Variants in NBPF26 observed in about 807,000 individuals in gnomAD.
NBPF26 encodes NBPF family member NBPF26.
In NBPF26, 79 loss-of-function variants were observed where a neutral mutation model predicts 119.6. The observed-to-expected ratio is 0.66, with a 90% CI of 0.55 to 0.80. The LOEUF is 0.80. NBPF26 is among the 30% of genes least tolerant of loss of function. The probability of loss-of-function intolerance (pLI) is 0.00; values close to 1 mark genes in which losing one functional copy is unlikely to be tolerated. For missense variants in NBPF26, 800 were observed against 1,198.2 expected (o/e 0.67, Z 4.91); for synonymous variants, 299 against 457.7 (o/e 0.65, Z 4.43).
In NBPF26 at chr1:120,840,387, G is replaced by A. The variant is rs1553273436; in HGVS notation, c.4141G>A (p.Val1381Ile). 2.5e-4 allele frequency: 359 copies of A among 1,462,994 alleles called. 77 individuals are homozygous for A. The highest frequency in any genetic ancestry group is 9.7e-4 in the African/African-American group (45 of 46,422). The allele number at this position is 1,462,994 out of a possible 1,614,324, so 90.6% of individuals were successfully genotyped here. ...GCTGATGGAAGTGGAAGAGCCTGAA[G>A]TCTTGCAGGACTCACTGGATATATG... Residue 1381 changes from valine to isoleucine, a missense_variant, in exon 30 of 30, where the codon GTC (valine) becomes ATC (isoleucine). By Grantham distance (29) the Val-to-Ile change is conservative (BLOSUM62 3). Transcript: ENST00000620612.
rs1479114574 is a variant in NBPF26, at chr1:120,808,424, T to C, written c.1065-121T>C. The C allele has an allele frequency of 1.2e-4, 106 of 873,334 alleles. 14 individuals carry two copies. Among genetic ancestry groups the C allele is most frequent in the Non-Finnish European group, 1.7e-4 (97 of 561,864 alleles). The allele number at this position is 873,334 out of a possible 1,614,324, so 54.1% of individuals were successfully genotyped here. A position where few individuals can be genotyped will look rare whatever the true frequency, so the allele number is the denominator to read the frequency against. ...TTGGCCACAGACATTCCTTTCAACG[T>C]GTGCTGACCTTCTGTTTCAAGGTCT... On this transcript the variant is annotated intron_variant, in intron 6 of 29. Transcript: ENST00000620612.
exon 14 of NBPF26, chr1:120,816,821 A>C (rs1652017639): frequency 4.8e-6 from 7 of 1,447,144 alleles, no homozygotes; most frequent in Non-Finnish European, 6.5e-6. Flanking sequence ...TGTACACATT[A>C]TTCCAGGTAG....
chr1:120,724,204 G>A (rs1650787936), exon 1 of NBPF26: 1 of 1,405,908 alleles, frequency 7.1e-7, no homozygotes, highest in East Asian at 2.4e-5. Context: ...CCGCTCTGCT[G>A]TGGGCGCTGC....
chr1:120,777,678 G>T (rs1651314127), intron 2 of NBPF26, among the ~76,000 whole-genome samples: 1 of 70,566 alleles, frequency 1.4e-5, no homozygotes, highest in Non-Finnish European at 2.4e-5. Context: ...TTGAGAGAAG[G>T]GGGGGTTGAG....
rs1302108700 is a variant in NBPF26 at position 120,814,879 on chromosome 1, G to A, written c.1928G>A (p.Arg643Lys). The A allele has an allele frequency of 1.8e-3, 2,270 of 1,252,918 alleles. 640 individuals carry two copies. In the African/African-American group the frequency reaches 0.048, roughly 26 times the overall value. 77.6% of individuals were successfully genotyped at this position (1,252,918 alleles called of 1,614,324 possible). ...CAGGAACGAGAGCTGACCCAGTTAAGGGAGAAGTTGCGGGAAGGGAGAGAT... is the reference window on the plus strand; with the variant it reads ...CAGGAACGAGAGCTGACCCAGTTAAAGGAGAAGTTGCGGGAAGGGAGAGAT... The change falls in exon 12 of 30, where the codon AGG becomes AAG. Residue 643 changes from arginine (R) to lysine (K), a missense_variant. Arg to Lys is a conservative substitution (Grantham distance 26). Transcript: ENST00000620612.
intron 1 of NBPF26, among the ~76,000 whole-genome samples, chr1:120,737,709 A>G (rs1650920640): frequency 8.1e-6 from 1 of 124,218 alleles, no homozygotes; most frequent in African/African-American, 3.9e-5. Context: ...AGTTGAGACA[A>G]CTCGGCAGGT....
chr1:120,813,366 T>G (rs1386496863), intron 10 of NBPF26, among the ~76,000 whole-genome samples: 1 of 127,858 alleles, frequency 7.8e-6, no homozygotes, highest in Non-Finnish European at 1.6e-5. Flanking sequence ...TGGTGTTATG[T>G]GTCACACTTT....
Position 120,840,290 on chromosome 1 carries a change from T to C in NBPF26, c.4104-60T>C, listed in dbSNP as rs1275482521. ...TCCTTATGTTACTTCTGAAATCTAG[T>C]GGGGCTCTGTGGTGTCCGATTTTCC... On this transcript the variant is annotated intron_variant, in intron 29 of 29. Transcript: ENST00000620612. 2 of 1,444,836 alleles carry C rather than the reference T, an allele frequency of 1.4e-6. 1 individual carries two copies. The highest frequency in any genetic ancestry group is 1.8e-6 in the Non-Finnish European group (2 of 1,082,270). 89.5% of individuals were successfully genotyped at this position (1,444,836 alleles called of 1,614,324 possible).
intron 2 of NBPF26, among the ~76,000 whole-genome samples, chr1:120,781,973 A>G (rs1651367864): frequency 9.7e-6 from 1 of 103,386 alleles, no homozygotes; most frequent in Non-Finnish European, 1.8e-5. Flanking sequence ...TGCTTAGCAA[A>G]TATACAATAC....
chr1:120,750,496 G>A (rs1426709821), intron 1 of NBPF26, among the ~76,000 whole-genome samples: 1 of 107,130 alleles, frequency 9.3e-6, no homozygotes, highest in East Asian at 2.2e-4. Context: ...TATATTCTGT[G>A]GAGTACTATC....
chr1:120,730,490 A>G lies in NBPF26; in HGVS notation c.73+6240A>G, dbSNP rs1650863722. Among the ~76,000 whole-genome samples, 2 of 78,270 alleles carry G rather than the reference A, an allele frequency of 2.6e-5. 1 individual carries two copies. 51.3% of individuals were successfully genotyped at this position (78,270 alleles called of 152,430 possible). A position where few individuals can be genotyped will look rare whatever the true frequency, so the allele number is the denominator to read the frequency against. ...AATACTGTCCTTGATAGGAAGAAGG[A>G]AGTGGCTTCAGATCTGAAAGGATAT... On this transcript the variant is annotated intron_variant, in intron 1 of 29. Coordinates refer to ENST00000620612, the Ensembl canonical transcript of NBPF26.
rs1169183776 is a variant in NBPF26 at position 120,782,660 on chromosome 1, CA to C, written c.156-2313del. Among the ~76,000 whole-genome samples, 2 of 88,018 alleles carry C rather than the reference CA, an allele frequency of 2.3e-5. 1 individual carries two copies. The allele number at this position is 88,018 out of a possible 152,430, so 57.7% of individuals were successfully genotyped here. On this transcript the variant is annotated intron_variant, in intron 2 of 29. Transcript: ENST00000620612. Reference sequence around the variant, plus strand: ...TCAGAATGTCATTCCTTTTCATGGCCACATATTTCATTTATGGATATACCAC... The same window carrying C: ...TCAGAATGTCATTCCTTTTCATGGCCCATATTTCATTTATGGATATACCAC...
chr1:120,727,714 T>TA (rs1489627062), intron 1 of NBPF26, among the ~76,000 whole-genome samples: 1 of 113,630 alleles, frequency 8.8e-6, no homozygotes, highest in Admixed American at 8.5e-5. Flanking sequence ...AGTCCATAGT[T>TA]ACATGCTTCC....
intron 15 of NBPF26, among the ~76,000 whole-genome samples, chr1:120,819,177 A>T (rs1429483385): frequency 8.0e-6 from 1 of 124,280 alleles, no homozygotes; most frequent in Non-Finnish European, 1.6e-5. Context: ...TAGGGTGCAT[A>T]TATATTTAGG....
chr1:120,776,292 T>G lies in NBPF26; in HGVS notation c.156-8682T>G, dbSNP rs1462353288. 1.9e-5 allele frequency among the ~76,000 whole-genome samples: 2 copies of G among 108,032 alleles called. 1 individual carries two copies. Among genetic ancestry groups the G allele is most frequent in the African/African-American group, 1.2e-4 (2 of 17,202 alleles). The allele number at this position is 108,032 out of a possible 152,430, so 70.9% of individuals were successfully genotyped here. On this transcript the variant is annotated intron_variant, in intron 2 of 29. Coordinates refer to ENST00000620612, the Ensembl canonical transcript of NBPF26. ...TTTTCACAGGAAATAACATTTAAGT[T>G]GAGACTTAATGAAATTTTAGGGCTT... is the stretch of plus-strand genomic sequence containing the variant.
chr1:120,727,831 T>C (rs1483264858), intron 1 of NBPF26, among the ~76,000 whole-genome samples: 2 of 117,562 alleles, frequency 1.7e-5, no homozygotes, highest in Non-Finnish European at 3.3e-5. Context: ...GCAAATGACT[T>C]GAAACCAAAA....
In NBPF26 at chr1:120,793,821, G is replaced by T. The variant is rs1156913851; in HGVS notation, c.751+325G>T. On this transcript the variant is annotated intron_variant, in intron 4 of 29. Coordinates refer to ENST00000620612, the Ensembl canonical transcript of NBPF26. ...TCTGGAATGGAAAAGAACACGATGAGAATTAGACACTGGAAAATATGTATG... is the reference window on the plus strand; with the variant it reads ...TCTGGAATGGAAAAGAACACGATGATAATTAGACACTGGAAAATATGTATG... The T allele has an allele frequency of 4.2e-4, 387 of 910,890 alleles. 137 individuals carry two copies. The African/African-American group carries it at 0.013, about 30-fold the overall frequency. 56.4% of individuals were successfully genotyped at this position (910,890 alleles called of 1,614,324 possible).
At chr1:120,755,300 A>AT (rs1467467828) in intron 1 of NBPF26, among the ~76,000 whole-genome samples, 1 of 33,392 alleles carries the variant, frequency 3.0e-5, no homozygotes, top group Non-Finnish European at 4.9e-5. Flanking sequence ...GAGGTAAAAT[A>AT]TTTTTCAGGT....
Position 120,812,241 on chromosome 1 carries a change from A to G in NBPF26, c.1774+146A>G. On this transcript the variant is annotated intron_variant, in intron 10 of 29. Transcript: ENST00000620612. ...AAATGGGTATTTTAACATTTTGTCA[A>G]AGTTGGAAGACAGAGGTACCAAAGT... 2 of 533,742 alleles carry G rather than the reference A, an allele frequency of 3.7e-6. 1 individual carries two copies. The highest frequency in any genetic ancestry group is 6.4e-6 in the Non-Finnish European group (2 of 311,506). 33.1% of individuals were successfully genotyped at this position (533,742 alleles called of 1,614,324 possible). A position where few individuals can be genotyped will look rare whatever the true frequency, so the allele number is the denominator to read the frequency against.
Sources: gnomAD v4.1 joint callset for allele counts (sites outside exome capture counted in the v4.1 genomes callset) on GRCh38, gnomAD v4.1.1 for gene constraint, MANE v1.5 for transcripts, NCBI Gene and HGNC (gene_info 2026-07-23, HGNC 2026-07-21) for gene names.